Variants in ABHD18 observed in about 807,000 individuals in gnomAD.
ABHD18 encodes abhydrolase domain containing 18, also known as cardiolipin-specific deacylase, mitochondrial.
Under a neutral mutation model 65.9 loss-of-function variants are expected in ABHD18, and 55 were observed. That is an observed-to-expected ratio of 0.84 (90% CI 0.67 to 1.05). The LOEUF is 1.05. Ranked by LOEUF, ABHD18 falls within the 50% of genes least tolerant of loss-of-function variation. ABHD18 has a pLI of 0.00. For synonymous variants in ABHD18, 181 were observed against 180.2 expected, an observed-to-expected ratio of 1.00 and a Z score of -0.04; for missense variants, 533 against 558.5, an observed-to-expected ratio of 0.95 and a Z score of 0.46.
intron 4 of ABHD18, among the ~76,000 whole-genome samples, chr4:127,995,370 G>T (rs1035820170): frequency 6.6e-6 from 1 of 152,078 alleles, no homozygotes; most frequent in African/African-American, 2.4e-5. Context: ...TTGAACCAAA[G>T]AAATAAGATA....
At chr4:127,992,651 A>G (rs1579237740) in intron 4 of ABHD18, among the ~76,000 whole-genome samples, 1 of 151,900 alleles carries the variant, frequency 6.6e-6, no homozygotes. Flanking sequence ...TGATCCTCTC[A>G]CCTCAGCCTC....
intron 3 of ABHD18, among the ~76,000 whole-genome samples, chr4:127,987,036 G>C (rs1026066975): frequency 5.3e-5 from 8 of 152,126 alleles, no homozygotes; most frequent in African/African-American, 1.9e-4. Context: ...TTTAACATTA[G>C]TTTGTTCTGC....
chr4:127,972,743 C>G (rs1579115979), intron 1 of ABHD18, among the ~76,000 whole-genome samples: 2 of 151,766 alleles, frequency 1.3e-5, no homozygotes, highest in Admixed American at 1.3e-4. Context: ...GACATGCCCT[C>G]TACAAGAAAA....
intron 12 of ABHD18, among the ~76,000 whole-genome samples, chr4:128,035,156 T>A (rs1758741222): frequency 6.6e-6 from 1 of 152,220 alleles, no homozygotes; most frequent in Non-Finnish European, 1.5e-5. Context: ...AGTTCCTTTT[T>A]CTTTCATAAT....
At chr4:128,030,706 TTTG>T in intron 12 of ABHD18, 34 bp downstream of exon 12, 1 of 1,513,120 alleles carries the variant, frequency 6.6e-7, no homozygotes, top group Non-Finnish European at 8.8e-7. Context: ...TATTCGTTCA[TTTG>T]TTGTTTGTTT....
intron 12 of ABHD18, chr4:128,031,097 A>C: frequency 1.0e-6 from 1 of 989,462 alleles, no homozygotes; most frequent in Non-Finnish European, 1.2e-6. Context: ...TGAACCTTAA[A>C]TAAGAAGTGC....
chr4:128,016,098 C>T (rs1272696176), intron 7 of ABHD18, among the ~76,000 whole-genome samples: 2 of 151,738 alleles, frequency 1.3e-5, no homozygotes, highest in South Asian at 2.1e-4. Context: ...AGATTACAGG[C>T]GCGTGCCACC....
intron 4 of ABHD18, among the ~76,000 whole-genome samples, chr4:127,996,919 G>C (rs1751837017): frequency 6.6e-6 from 1 of 152,202 alleles, no homozygotes; most frequent in African/African-American, 2.4e-5. Flanking sequence ...GAAAATCGCT[G>C]TTGTTCTGTT....
At position 127,985,548 on chromosome 4, in the gene ABHD18, C is replaced by A. The variant is rs1478352493; in HGVS notation, c.177+1125C>A. On this transcript the variant is annotated intron_variant, in intron 3 of 12. Coordinates refer to ENST00000645843, the MANE Select transcript of ABHD18 (RefSeq NM_001358451.3). ...AAATTTTGCTAAATATTTTTATCTT[C>A]TTTATTTTTTTCTATTAAAAAATTA... 3.3e-5 allele frequency among the ~76,000 whole-genome samples: 5 copies of A among 152,038 alleles called. No individual in the cohort carries two copies. In the East Asian group the frequency reaches 9.7e-4, roughly 29 times the overall value.
chr4:127,976,469 A>G (rs183247487), intron 1 of ABHD18, among the ~76,000 whole-genome samples: 1 of 152,314 alleles, frequency 6.6e-6, no homozygotes, highest in Admixed American at 6.5e-5. Flanking sequence ...CTGAAATGAA[A>G]AAAATGAAAA....
intron 1 of ABHD18, among the ~76,000 whole-genome samples, chr4:127,969,982 C>T (rs935796125): frequency 3.3e-5 from 5 of 151,880 alleles, no homozygotes; most frequent in East Asian, 1.9e-4. Context: ...CTCCTGGGCC[C>T]GAGCAGTCCT....
chr4:128,001,805 GTATATCC>G, intron 4 of ABHD18: 1 of 1,512,038 alleles, frequency 6.6e-7, no homozygotes, highest in Non-Finnish European at 8.8e-7. Context: ...GTGGTCTTTT[GTATATCC>G]TTAGTGGTTA....
intron 4 of ABHD18, among the ~76,000 whole-genome samples, chr4:128,003,953 A>AC (rs1240789151): frequency 1.3e-5 from 2 of 150,878 alleles, no homozygotes; most frequent in Non-Finnish European, 2.9e-5. Flanking sequence ...CGATTTAAAA[A>AC]AAAAAAAAAC....
chr4:127,990,756 G>A (rs1750778913), intron 4 of ABHD18, among the ~76,000 whole-genome samples: 2 of 152,160 alleles, frequency 1.3e-5, no homozygotes, highest in African/African-American at 2.4e-5. Flanking sequence ...AATGTAAATA[G>A]ATGTTCCGAA....
intron 1 of ABHD18, among the ~76,000 whole-genome samples, chr4:127,971,365 C>T (rs1411171164): frequency 6.7e-6 from 1 of 149,890 alleles, no homozygotes; most frequent in African/African-American, 2.5e-5. Context: ...TATATTTTAA[C>T]AATTCCAGAA....
intron 6 of ABHD18, among the ~76,000 whole-genome samples, chr4:128,010,711 C>T (rs1490735835): frequency 6.6e-6 from 1 of 152,056 alleles, no homozygotes; most frequent in Non-Finnish European, 1.5e-5. Context: ...GTCAGGAGTT[C>T]GAGACCAGCC....
chr4:128,000,663 T>C (rs79852232), intron 4 of ABHD18, among the ~76,000 whole-genome samples: 2,193 of 152,350 alleles, frequency 0.014, 63 homozygotes, highest in African/African-American at 0.05. Context: ...TTTCTAATTC[T>C]GTCAAAAATG....
chr4:127,971,164 G>A (rs1472419872), intron 1 of ABHD18, among the ~76,000 whole-genome samples: 2 of 151,222 alleles, frequency 1.3e-5, no homozygotes, highest in African/African-American at 4.9e-5. Flanking sequence ...TGCACTGGGT[G>A]GATTACTTGA....
At position 128,037,422 on chromosome 4, in the gene ABHD18, C is replaced by T. The variant is rs1327646851; in HGVS notation, c.*1609C>T. The T allele has an allele frequency of 1.3e-5, 2 of 152,122 alleles. No homozygotes were observed. The highest frequency in any genetic ancestry group is 4.8e-5 in the African/African-American group (2 of 41,424). The allele number at this position is 152,122 out of a possible 1,614,324, so 9.4% of individuals were successfully genotyped here. A position where few individuals can be genotyped will look rare whatever the true frequency, so the allele number is the denominator to read the frequency against. On this transcript the variant is annotated 3_prime_UTR_variant, in exon 13 of 13. Coordinates refer to ENST00000645843, the MANE Select transcript of ABHD18 (RefSeq NM_001358451.3). ...GTGGCATGATCTTGGCTCACTGCGA[C>T]CTCCGCCTCTCAGGTTCAAGCGGTT...
Sources: allele counts gnomAD v4.1 joint callset (sites outside exome capture counted in the v4.1 genomes callset), GRCh38; gene constraint gnomAD v4.1.1; transcripts MANE v1.5; gene names NCBI Gene and HGNC (gene_info 2026-07-23, HGNC 2026-07-21).